SPTBN1: variants seen among roughly 807,000 people sequenced by gnomAD.
SPTBN1 encodes spectrin beta, non-erythrocytic 1.
Under a neutral mutation model 266.4 loss-of-function variants are expected in SPTBN1, and 32 were observed. That is an observed-to-expected ratio of 0.12 (90% CI 0.09 to 0.16). The LOEUF (loss-of-function observed/expected upper bound fraction) is 0.16. Among genes scored for constraint, SPTBN1 ranks in the 10% least tolerant of loss-of-function variants. The probability of loss-of-function intolerance (pLI) is 1.00; values close to 1 mark genes in which losing one functional copy is unlikely to be tolerated. For synonymous variants in SPTBN1, 1,336 were observed against 1,162.2 expected, an observed-to-expected ratio of 1.15 and a Z score of -3.04; for missense variants, 2,296 against 3,067.1, an observed-to-expected ratio of 0.75 and a Z score of 5.94.
At chr2:54,514,070 A>T (rs940302980) in intron 1 of SPTBN1, among the ~76,000 whole-genome samples, 2 of 152,224 alleles carry the variant, frequency 1.3e-5, no homozygotes, top group African/African-American at 4.8e-5. Flanking sequence ...TATGCAGCAG[A>T]TAAAGAATTT....
chr2:54,485,634 G>A (rs1202721312), intron 1 of SPTBN1, among the ~76,000 whole-genome samples: 7 of 152,022 alleles, frequency 4.6e-5, no homozygotes, highest in African/African-American at 7.2e-5. Flanking sequence ...AGCGAGGAGC[G>A]TCTCTGCCTG....
chr2:54,488,742 G>A (rs1295922049), intron 1 of SPTBN1, among the ~76,000 whole-genome samples: 3 of 151,936 alleles, frequency 2.0e-5, no homozygotes, highest in East Asian at 3.9e-4. Context: ...GGTACATTTT[G>A]TGTAGGGAAA....
At chr2:54,482,648 A>G (rs927906415) in intron 1 of SPTBN1, among the ~76,000 whole-genome samples, 2 of 152,230 alleles carry the variant, frequency 1.3e-5, no homozygotes. Flanking sequence ...CCTCAGTCAC[A>G]CTAGCCACAT....
intron 2 of SPTBN1, among the ~76,000 whole-genome samples, chr2:54,593,856 A>G (rs1367036981): frequency 1.5e-5 from 1 of 65,280 alleles, no homozygotes; most frequent in Non-Finnish European, 3.7e-5. Flanking sequence ...TTTTTGAGAC[A>G]GAGTCTTAAC....
At position 54,486,135 on chromosome 2, in the gene SPTBN1, G is replaced by C. The variant is rs1573247956; in HGVS notation, c.-48+29617G>C. Among the ~76,000 whole-genome samples the C allele has an allele frequency of 1.4e-5, 2 of 147,450 alleles. 1 individual carries two copies. Among genetic ancestry groups the C allele is most frequent in the South Asian group, 4.5e-4 (2 of 4,470 alleles). ...CCACGCCCGGCCAGCCGCCCCGTCT[G>C]GGAGGTGAGGGGCGCCTCTGCCCGG... On this transcript the variant is annotated intron_variant, in intron 1 of 35. Transcript: ENST00000356805.
Position 54,558,254 on chromosome 2 carries a change from C to A in SPTBN1, c.148+31688C>A, listed in dbSNP as rs1220358583. The A allele has an allele frequency of 2.5e-5, 25 of 985,248 alleles. No individual in the cohort carries two copies. Among genetic ancestry groups the A allele is most frequent in the Non-Finnish European group, 3.0e-5 (25 of 829,924 alleles). The allele number at this position is 985,248 out of a possible 1,614,324, so 61.0% of individuals were successfully genotyped here. A position where few individuals can be genotyped will look rare whatever the true frequency, so the allele number is the denominator to read the frequency against. On this transcript the variant is annotated intron_variant, in intron 2 of 35. Coordinates refer to ENST00000356805, the MANE Select transcript of SPTBN1 (RefSeq NM_003128.3). The surrounding 1 kb of genome is among the most constrained non-coding windows in gnomAD (Gnocchi z 4.6). Reference sequence around the variant, plus strand: ...AGGGGGTCGCGGGCCGGCTAGGCTCCCCCGCGCCCCTCCTCGTGGTATAGC... The same window carrying A: ...AGGGGGTCGCGGGCCGGCTAGGCTCACCCGCGCCCCTCCTCGTGGTATAGC...
intron 4 of SPTBN1, among the ~76,000 whole-genome samples, chr2:54,615,728 T>TA (rs549873039): frequency 1.1e-3 from 164 of 152,354 alleles, no homozygotes; most frequent in Non-Finnish European, 1.7e-3. Flanking sequence ...CTGAGCGGCT[T>TA]ATGAAGGCAC....
intron 1 of SPTBN1, among the ~76,000 whole-genome samples, chr2:54,494,793 A>C (rs913240936): frequency 2.0e-5 from 3 of 152,166 alleles, no homozygotes; most frequent in Non-Finnish European, 4.4e-5. Flanking sequence ...CTTAGGAGTG[A>C]TGGGTATGCT....
chr2:54,654,148 A>T (rs928231232), intron 27 of SPTBN1, among the ~76,000 whole-genome samples: 1 of 152,138 alleles, frequency 6.6e-6, no homozygotes, highest in Admixed American at 6.5e-5. Flanking sequence ...TATGTGCTTG[A>T]AGTAGGACCT....
At chr2:54,631,869 T>TA (rs1348856667) in intron 16 of SPTBN1, among the ~76,000 whole-genome samples, 1 of 152,198 alleles carries the variant, frequency 6.6e-6, no homozygotes, top group Admixed American at 6.5e-5. Flanking sequence ...GAGGATCTCT[T>TA]ATGTGTTCAT....
chr2:54,648,274 C>G (rs1453077580), intron 24 of SPTBN1, among the ~76,000 whole-genome samples: 2 of 152,136 alleles, frequency 1.3e-5, no homozygotes, highest in Non-Finnish European at 2.9e-5. Flanking sequence ...ATCAGGATTC[C>G]CAGGAAAGTG....
At chr2:54,549,446 A>G (rs1171499067) in intron 2 of SPTBN1, among the ~76,000 whole-genome samples, 1 of 152,144 alleles carries the variant, frequency 6.6e-6, no homozygotes, top group African/African-American at 2.4e-5. Context: ...GAGATTTTCT[A>G]TTTCGGATCC....
At position 54,482,972 on chromosome 2, in the gene SPTBN1, C is replaced by T. The variant is rs576924507; in HGVS notation, c.-48+26454C>T. Among the ~76,000 whole-genome samples, 4 of 152,278 alleles carry T rather than the reference C, an allele frequency of 2.6e-5. No homozygotes were observed. The East Asian group carries it at 7.7e-4, about 29-fold the overall frequency. ...ATGTGTCACATCTTACAGAAAGGCC[C>T]CGTTTAAAGCAGGCTGGCCCGAAGG... On this transcript the variant is annotated intron_variant, in intron 1 of 35. Coordinates refer to ENST00000356805, the MANE Select transcript of SPTBN1 (RefSeq NM_003128.3).
intron 2 of SPTBN1, among the ~76,000 whole-genome samples, chr2:54,597,516 G>T (rs940329458): frequency 2.6e-5 from 4 of 152,184 alleles, no homozygotes; most frequent in African/African-American, 9.6e-5. Context: ...TGTCTGGATG[G>T]GTAGGTCCTT....
intron 11 of SPTBN1, 97 bp downstream of exon 11, chr2:54,625,059 G>T (rs1047645648): frequency 4.2e-6 from 6 of 1,412,294 alleles, no homozygotes. Context: ...GCTGCTTATC[G>T]ACATTCATTA....
At chr2:54,661,003 C>T (rs1226519222) in intron 32 of SPTBN1, 1 of 985,384 alleles carries the variant, frequency 1.0e-6, no homozygotes, top group Non-Finnish European at 1.2e-6. Flanking sequence ...ATCCTGATTA[C>T]TTGAACGTTG....
chr2:54,498,979 G>C (rs1669115337), intron 1 of SPTBN1, among the ~76,000 whole-genome samples: 1 of 150,832 alleles, frequency 6.6e-6, no homozygotes, highest in African/African-American at 2.4e-5. Context: ...AAACCCAGGA[G>C]ACTTTGCATT....
intron 1 of SPTBN1, among the ~76,000 whole-genome samples, chr2:54,483,251 A>G (rs1270317842): frequency 1.3e-5 from 2 of 152,296 alleles, no homozygotes; most frequent in Admixed American, 6.5e-5. Context: ...ATTTCCCGTG[A>G]AATAAACTCC....
chr2:54,558,372 C>A lies in SPTBN1; in HGVS notation c.148+31806C>A. Reference sequence around the variant, plus strand: ...TCCTGATAAAATTACAAACCGGCGGCCGCCGCGGGCAGCTGGGAGGAGGTG... The same window carrying A: ...TCCTGATAAAATTACAAACCGGCGGACGCCGCGGGCAGCTGGGAGGAGGTG... On this transcript the variant is annotated intron_variant, in intron 2 of 35. Transcript: ENST00000356805. This position sits in a 1 kb window ranked among gnomAD's most constrained non-coding sequence, Gnocchi z 4.6. The A allele has an allele frequency of 1.0e-6, 1 of 1,000,348 alleles. No homozygotes were observed. Among genetic ancestry groups the A allele is most frequent in the Non-Finnish European group, 1.2e-6 (1 of 839,826 alleles). The allele number at this position is 1,000,348 out of a possible 1,614,324, so 62.0% of individuals were successfully genotyped here. A position where few individuals can be genotyped will look rare whatever the true frequency, so the allele number is the denominator to read the frequency against.
Sources: allele counts gnomAD v4.1 joint callset (sites outside exome capture counted in the v4.1 genomes callset), GRCh38; gene constraint gnomAD v4.1.1; non-coding constraint Gnocchi (gnomAD v3.1); transcripts MANE v1.5; gene names NCBI Gene and HGNC (gene_info 2026-07-23, HGNC 2026-07-21).